Variants in WDR70 observed in about 807,000 individuals in gnomAD.
The protein encoded by WDR70 is WD repeat-containing protein 70.
A neutral mutation model predicts 88.6 loss-of-function variants in WDR70; 53 were observed. The ratio of observed to expected loss-of-function variants is 0.60; its 90% CI spans 0.48 to 0.75. The LOEUF (loss-of-function observed/expected upper bound fraction) is 0.75. WDR70 is among the 30% of genes least tolerant of loss of function. The probability of loss-of-function intolerance (pLI) is 0.00; values close to 1 mark genes in which losing one functional copy is unlikely to be tolerated. For missense variants in WDR70, 610 were observed against 823.2 expected (o/e 0.74, Z 3.17); for synonymous variants, 280 against 270.0 (o/e 1.04, Z -0.36).
rs1274357457 is a variant in WDR70 at position 37,604,214 on chromosome 5, CT to C, written c.918-846del. On this transcript the variant is annotated intron_variant, in intron 9 of 17. Coordinates refer to ENST00000265107, the MANE Select transcript of WDR70 (RefSeq NM_018034.4). ...GTCTGATGGTAGTGAATTACCTCAGCTTTTGTCCATTTGAAAAAGTCTTGAG... is the reference window on the plus strand; with the variant it reads ...GTCTGATGGTAGTGAATTACCTCAGCTTTGTCCATTTGAAAAAGTCTTGAG... Among the ~76,000 whole-genome samples the C allele has an allele frequency of 5.9e-5, 9 of 152,238 alleles. No individual in the cohort carries two copies. The East Asian group carries it at 1.7e-3, about 29-fold the overall frequency.
chr5:37,678,117 A>C (rs13159440), intron 10 of WDR70, among the ~76,000 whole-genome samples: 28,397 of 151,998 alleles, frequency 0.19, 3,260 homozygotes, highest in East Asian at 0.38. Context: ...TTTTGAGCCT[A>C]TATGTGTCTC....
At chr5:37,681,598 G>A (rs1055926556) in intron 10 of WDR70, among the ~76,000 whole-genome samples, 2 of 152,112 alleles carry the variant, frequency 1.3e-5, no homozygotes, top group Admixed American at 1.3e-4. Context: ...TTTGAGGTAT[G>A]TTTCTTTAAT....
At chr5:37,684,871 G>T (rs1746534815) in intron 10 of WDR70, among the ~76,000 whole-genome samples, 1 of 152,224 alleles carries the variant, frequency 6.6e-6, no homozygotes. Flanking sequence ...AGGTACTGGG[G>T]TGCCTGCCTC....
At chr5:37,530,330 T>C (rs1561890330) in intron 9 of WDR70, among the ~76,000 whole-genome samples, 2 of 152,152 alleles carry the variant, frequency 1.3e-5, no homozygotes, top group Admixed American at 1.3e-4. Context: ...TAGAGTGATT[T>C]AGGGAAGATT....
chr5:37,457,160 A>G (rs1223431801), intron 7 of WDR70, among the ~76,000 whole-genome samples: 1 of 152,036 alleles, frequency 6.6e-6, no homozygotes. Flanking sequence ...CGGTGGCGCA[A>G]TCTTGGCTCA....
intron 10 of WDR70, among the ~76,000 whole-genome samples, chr5:37,694,263 GT>G (rs1202030993): frequency 6.6e-6 from 1 of 152,182 alleles, no homozygotes; most frequent in Non-Finnish European, 1.5e-5. Context: ...GTTTAAATTA[GT>G]TTAACCATTG....
chr5:37,592,082 C>T (rs1743545873), intron 9 of WDR70, among the ~76,000 whole-genome samples: 1 of 152,084 alleles, frequency 6.6e-6, no homozygotes, highest in Non-Finnish European at 1.5e-5. Context: ...TATCTATTAT[C>T]CAAAATGTCT....
intron 9 of WDR70, among the ~76,000 whole-genome samples, chr5:37,540,491 C>T (rs1399779480): frequency 1.3e-5 from 2 of 152,198 alleles, no homozygotes; most frequent in African/African-American, 4.8e-5. Context: ...AAGCCATTCT[C>T]CTGCCTCAGC....
rs544703050 is a variant in WDR70, at chr5:37,611,465, TA to T, written c.1092+6228del. The stretch of plus-strand genomic sequence containing the variant: ...TAGCGTGCTCTTAATATTTTCTTTA[TA>T]TTTTTCATTTATATCTATTAGAGCA... On this transcript the variant is annotated intron_variant, in intron 10 of 17. Transcript: ENST00000265107. Among the ~76,000 whole-genome samples, 12 of 152,250 alleles carry T rather than the reference TA, an allele frequency of 7.9e-5. No individual in the cohort carries two copies. In the South Asian group the frequency reaches 1.2e-3, roughly 16 times the overall value.
chr5:37,624,554 G>A (rs1044052170), intron 10 of WDR70, among the ~76,000 whole-genome samples: 19 of 152,250 alleles, frequency 1.2e-4, no homozygotes, highest in African/African-American at 4.6e-4. Context: ...GGATACCGTA[G>A]GGGATAAGGG....
At chr5:37,391,961 G>T (rs372794790) in intron 3 of WDR70, 39 bp from the exon 4 acceptor site, 2 of 1,577,970 alleles carry the variant, frequency 1.3e-6, no homozygotes, top group African/African-American at 1.4e-5. Context: ...AATTGTAACC[G>T]TTGGGATTTT....
At chr5:37,638,377 C>T (rs539046017) in intron 10 of WDR70, among the ~76,000 whole-genome samples, 1 of 152,214 alleles carries the variant, frequency 6.6e-6, no homozygotes, top group African/African-American at 2.4e-5. Flanking sequence ...CAAATTCAGG[C>T]TCTGCTGCTT....
At chr5:37,379,753 T>TC (rs35146715) in intron 2 of WDR70, among the ~76,000 whole-genome samples, 199 bp downstream of exon 2, 147,946 of 152,300 alleles carry the variant, frequency 0.97, 72,016 homozygotes, top group East Asian at 1. Flanking sequence ...GTTATGAGAG[T>TC]CTGGAGAGAG....
chr5:37,538,348 C>T (rs1212538960), intron 9 of WDR70, among the ~76,000 whole-genome samples: 1 of 152,158 alleles, frequency 6.6e-6, no homozygotes, highest in Non-Finnish European at 1.5e-5. Flanking sequence ...ATTATCACAG[C>T]GTTATGCACT....
chr5:37,672,748 G>C (rs1374670574), intron 10 of WDR70, among the ~76,000 whole-genome samples: 1 of 152,090 alleles, frequency 6.6e-6, no homozygotes, highest in East Asian at 1.9e-4. Flanking sequence ...TGCCGGTGCA[G>C]GTCCTCCATA....
chr5:37,735,326 T>C (rs1748271251), intron 17 of WDR70, among the ~76,000 whole-genome samples: 1 of 152,168 alleles, frequency 6.6e-6, no homozygotes, highest in Admixed American at 6.5e-5. Flanking sequence ...ACAAATGAAT[T>C]CGTGCTAGCA....
intron 9 of WDR70, among the ~76,000 whole-genome samples, chr5:37,552,876 A>G (rs1367324081): frequency 6.6e-6 from 1 of 152,168 alleles, no homozygotes; most frequent in Non-Finnish European, 1.5e-5. Context: ...CAGCAATAGG[A>G]TGGAAGTGGC....
intron 9 of WDR70, among the ~76,000 whole-genome samples, chr5:37,582,586 G>C (rs1386689309): frequency 6.6e-6 from 1 of 152,092 alleles, no homozygotes; most frequent in Non-Finnish European, 1.5e-5. Flanking sequence ...TGTCACCATG[G>C]GCAGATTATA....
At chr5:37,678,880 A>T (rs1207404116) in intron 10 of WDR70, among the ~76,000 whole-genome samples, 4 of 152,210 alleles carry the variant, frequency 2.6e-5, no homozygotes, top group African/African-American at 9.6e-5. Context: ...AATCAGACGT[A>T]GATTTGGTCT....
Sources: gnomAD v4.1 joint callset for allele counts (sites outside exome capture counted in the v4.1 genomes callset) on GRCh38, gnomAD v4.1.1 for gene constraint, MANE v1.5 for transcripts, NCBI Gene and HGNC (gene_info 2026-07-23, HGNC 2026-07-21) for gene names.